Variants in PSMB2 observed in about 807,000 individuals in gnomAD.
The protein encoded by PSMB2 is proteasome subunit beta type-2.
Under a neutral mutation model 25.7 loss-of-function variants are expected in PSMB2, and 13 were observed. The observed-to-expected ratio is 0.51, with a 90% CI of 0.33 to 0.80. The LOEUF is 0.80. Among genes scored for constraint, PSMB2 ranks in the 30% least tolerant of loss-of-function variants. The pLI is 0.02. For synonymous variants in PSMB2, 87 were observed against 96.2 expected (o/e 0.90, Z 0.56); for missense variants, 202 against 259.0 (o/e 0.78, Z 1.51).
chr1:35,608,049 G>A (rs952092440), intron 4 of PSMB2, among the ~76,000 whole-genome samples: 1 of 152,182 alleles, frequency 6.6e-6, no homozygotes, highest in Non-Finnish European at 1.5e-5. Flanking sequence ...TCCTCTGTAA[G>A]GGATGGGGGA....
intron 5 of PSMB2, 53 bp downstream of exon 5, chr1:35,605,180 C>T: frequency 6.5e-7 from 1 of 1,540,360 alleles, no homozygotes; most frequent in South Asian, 1.2e-5. Context: ...AGGAACAACA[C>T]TGGCAAACAG....
chr1:35,625,430 T>C (rs1413424183), intron 3 of PSMB2, among the ~76,000 whole-genome samples: 1 of 152,106 alleles, frequency 6.6e-6, no homozygotes, highest in African/African-American at 2.4e-5. Flanking sequence ...TTTAGGGCAT[T>C]CAGATGGGCT....
intron 3 of PSMB2, among the ~76,000 whole-genome samples, chr1:35,623,321 G>C (rs989995969): frequency 6.6e-6 from 1 of 152,140 alleles, no homozygotes; most frequent in African/African-American, 2.4e-5. Flanking sequence ...GAACAGACAC[G>C]TAACTCTTGG....
intron 3 of PSMB2, among the ~76,000 whole-genome samples, chr1:35,611,221 A>G (rs894090070): frequency 1.3e-5 from 2 of 152,238 alleles, no homozygotes; most frequent in Admixed American, 6.5e-5. Context: ...GAGACACCTC[A>G]TTATGAAGCA....
rs371070746 is a variant in PSMB2 at position 35,636,295 on chromosome 1, G to T, written c.214+15C>A. The T allele has an allele frequency of 4.3e-6, 7 of 1,613,660 alleles. No individual in the cohort carries two copies. The highest frequency in any genetic ancestry group is 4.0e-5 in the African/African-American group (3 of 74,902). ...GTAAACTCATATGCCAACTAAAACT[G>T]TAAGTCTTACCCACCATTTCGCATC... On this transcript the variant is annotated intron_variant, in intron 2 of 5. Transcript: ENST00000373237.
intron 3 of PSMB2, among the ~76,000 whole-genome samples, chr1:35,619,085 A>G (rs560151375): frequency 1.3e-5 from 2 of 152,356 alleles, no homozygotes; most frequent in South Asian, 2.1e-4. Flanking sequence ...TCCTTGCCTT[A>G]GGTCATTCTC....
chr1:35,609,165 A>G, intron 4 of PSMB2, 81 bp downstream of exon 4: 3 of 1,328,120 alleles, frequency 2.3e-6, no homozygotes, highest in Non-Finnish European at 2.0e-6. Context: ...CTGGCCACCC[A>G]ACTCCAAGAG....
At chr1:35,611,146 C>T (rs1202194867) in intron 3 of PSMB2, among the ~76,000 whole-genome samples, 1 of 152,200 alleles carries the variant, frequency 6.6e-6, no homozygotes, top group East Asian at 1.9e-4. Context: ...AGTAAGCAGG[C>T]CTTGCCCATG....
At chr1:35,633,041 G>A (rs566512133) in intron 2 of PSMB2, among the ~76,000 whole-genome samples, 21 of 152,076 alleles carry the variant, frequency 1.4e-4, no homozygotes, top group South Asian at 2.1e-4. Flanking sequence ...CCACCATAGC[G>A]AAACTCTGTC....
At position 35,600,447 on chromosome 1, in the gene PSMB2, T is replaced by C. The variant is rs1381271494; in HGVS notation, c.*2820A>G. ...CATTACAGAAACTGAATAAGGGGTA[T>C]AAGGACACCATATTATCTTTGCAAC... On this transcript the variant is annotated 3_prime_UTR_variant, in exon 6 of 6. Coordinates refer to ENST00000373237, the MANE Select transcript of PSMB2 (RefSeq NM_002794.5). The C allele has an allele frequency of 4.5e-6, 4 of 890,998 alleles. No individual in the cohort carries two copies. Among genetic ancestry groups the C allele is most frequent in the African/African-American group, 3.6e-5 (2 of 55,076 alleles). 55.2% of individuals were successfully genotyped at this position (890,998 alleles called of 1,614,324 possible).
At chr1:35,628,032 A>G (rs973833662) in intron 3 of PSMB2, among the ~76,000 whole-genome samples, 1 of 152,180 alleles carries the variant, frequency 6.6e-6, no homozygotes, top group Non-Finnish European at 1.5e-5. Flanking sequence ...CCATATAAAT[A>G]TACTAAATTT....
chr1:35,610,988 AT>A lies in PSMB2; in HGVS notation c.286-1581del, dbSNP rs374592534. On this transcript the variant is annotated intron_variant, in intron 3 of 5. Transcript: ENST00000373237. ...GTTGCTCTTCATCTCCAAATGGATG[AT>A]TTTTTTTTTCTACACCAGCTGCGCC... Among the ~76,000 whole-genome samples, 989 of 150,936 alleles carry A rather than the reference AT, an allele frequency of 6.6e-3. 16 individuals are homozygous for A. Among genetic ancestry groups the A allele is most frequent in the African/African-American group, 0.022 (897 of 41,166 alleles).
intron 2 of PSMB2, among the ~76,000 whole-genome samples, chr1:35,633,785 T>G (rs1651167204): frequency 6.6e-6 from 1 of 152,284 alleles, no homozygotes; most frequent in Admixed American, 6.5e-5. Context: ...CTCTTAAGTA[T>G]TAAGCAGAAT....
At chr1:35,613,111 G>A (rs188267227) in intron 3 of PSMB2, among the ~76,000 whole-genome samples, 18 of 152,352 alleles carry the variant, frequency 1.2e-4, no homozygotes, top group African/African-American at 4.3e-4. Context: ...ATTATTGTGT[G>A]ACTTTGAATT....
In PSMB2 at chr1:35,625,846, C is replaced by A. The variant is rs186866285; in HGVS notation, c.285+5428G>T. On this transcript the variant is annotated intron_variant, in intron 3 of 5. Transcript: ENST00000373237. The stretch of plus-strand genomic sequence containing the variant: ...TGTAAGGAGAATTTGAGAAAGGAAG[C>A]CTTTTTTTTAGACAGAGTCTTGCTC... Among the ~76,000 whole-genome samples, 7 of 151,830 alleles carry A rather than the reference C, an allele frequency of 4.6e-5. No homozygotes were observed. The East Asian group carries it at 1.2e-3, about 25-fold the overall frequency.
chr1:35,608,076 C>G (rs999781610), intron 4 of PSMB2, among the ~76,000 whole-genome samples: 1 of 152,104 alleles, frequency 6.6e-6, no homozygotes, highest in African/African-American at 2.4e-5. Flanking sequence ...TTAAAAGATA[C>G]GAAATTGGCA....
chr1:35,631,884 G>A (rs1571140738), intron 2 of PSMB2, among the ~76,000 whole-genome samples: 1 of 151,930 alleles, frequency 6.6e-6, no homozygotes, highest in African/African-American at 2.4e-5. Context: ...AAATTTCTAG[G>A]CATGGTGGTA....
intron 3 of PSMB2, among the ~76,000 whole-genome samples, chr1:35,628,538 GT>G (rs112239291): frequency 0.023 from 2,960 of 131,280 alleles, 110 homozygotes; most frequent in East Asian, 0.071. Context: ...TCAAGGAGGA[GT>G]GAAGAAAAGA....
chr1:35,609,861 C>G (rs1451395890), intron 3 of PSMB2, among the ~76,000 whole-genome samples: 1 of 152,188 alleles, frequency 6.6e-6, no homozygotes, highest in Non-Finnish European at 1.5e-5. Context: ...GATTATTACA[C>G]ATTGTATGCC....
Sources: gnomAD v4.1 joint callset for allele counts (sites outside exome capture counted in the v4.1 genomes callset) on GRCh38, gnomAD v4.1.1 for gene constraint, MANE v1.5 for transcripts, NCBI Gene and HGNC (gene_info 2026-07-23, HGNC 2026-07-21) for gene names.